Variants in METTL24 observed in about 807,000 individuals in gnomAD.
METTL24 encodes probable methyltransferase-like protein 24.
METTL24 carries 29 observed loss-of-function variants against 32.7 expected under a neutral mutation model. The observed-to-expected ratio is 0.89, with a 90% CI of 0.66 to 1.21. METTL24 has a LOEUF of 1.21. Among genes scored for constraint, METTL24 ranks in the 50% most tolerant of loss-of-function variants. The pLI is 0.00. For synonymous variants in METTL24, 163 were observed against 179.5 expected (o/e 0.91, Z 0.73); for missense variants, 439 against 468.1 (o/e 0.94, Z 0.57).
intron 4 of METTL24, among the ~76,000 whole-genome samples, chr6:110,284,549 T>C (rs897869371): frequency 6.6e-6 from 1 of 152,112 alleles, no homozygotes; most frequent in South Asian, 2.1e-4. Context: ...AAATGAAATG[T>C]ACATATAAGC....
intron 4 of METTL24, among the ~76,000 whole-genome samples, chr6:110,281,509 CT>C (rs200204511): frequency 0.029 from 4,432 of 151,998 alleles, 70 homozygotes; most frequent in Middle Eastern, 0.048. Flanking sequence ...GGTGTGGTGG[CT>C]CACACCTGTA....
At chr6:110,277,179 G>A (rs936481912) in intron 4 of METTL24, among the ~76,000 whole-genome samples, 2 of 152,120 alleles carry the variant, frequency 1.3e-5, no homozygotes, top group African/African-American at 4.8e-5. Flanking sequence ...CTGACAAATG[G>A]CTGCAAATGT....
chr6:110,342,670 C>T (rs1772382604), intron 1 of METTL24, among the ~76,000 whole-genome samples: 1 of 152,140 alleles, frequency 6.6e-6, no homozygotes, highest in Non-Finnish European at 1.5e-5. Flanking sequence ...CTTTCATCAC[C>T]CCAAAAAGAA....
chr6:110,293,498 C>T (rs991221677), intron 4 of METTL24, among the ~76,000 whole-genome samples: 1 of 151,714 alleles, frequency 6.6e-6, no homozygotes, highest in Admixed American at 6.6e-5. Flanking sequence ...TTCTAGTATA[C>T]CATCATATTG....
intron 4 of METTL24, among the ~76,000 whole-genome samples, chr6:110,255,398 A>T (rs1276173753): frequency 6.6e-6 from 1 of 152,114 alleles, no homozygotes; most frequent in Non-Finnish European, 1.5e-5. Context: ...GGGACAGATG[A>T]TGGGTGAGCT....
At chr6:110,337,020 C>T (rs938488381) in intron 1 of METTL24, among the ~76,000 whole-genome samples, 3 of 152,110 alleles carry the variant, frequency 2.0e-5, no homozygotes, top group African/African-American at 7.2e-5. Context: ...TGGAATCAAC[C>T]TAAATACCCA....
chr6:110,274,253 C>A (rs531999446), intron 4 of METTL24, among the ~76,000 whole-genome samples: 2 of 152,208 alleles, frequency 1.3e-5, no homozygotes, highest in East Asian at 3.9e-4. Flanking sequence ...CCACTATGCC[C>A]AGCTAATTTT....
In METTL24 at chr6:110,245,453, G is replaced by C. The variant is rs1211026566; in HGVS notation, c.*493C>G. On this transcript the variant is annotated 3_prime_UTR_variant, in exon 5 of 5. Transcript: ENST00000338882. ...AAGCCACAGCATGGCCTCAGCAAAG[G>C]CTGAGAAGGAATGACTGAAATCTAC... Among the ~76,000 whole-genome samples the C allele has an allele frequency of 1.3e-5, 2 of 152,142 alleles. No individual in the cohort carries two copies. Among genetic ancestry groups the C allele is most frequent in the Admixed American group, 6.5e-5 (1 of 15,274 alleles).
chr6:110,328,758 C>T (rs1438728861), intron 1 of METTL24, among the ~76,000 whole-genome samples: 1 of 152,150 alleles, frequency 6.6e-6, no homozygotes, highest in Non-Finnish European at 1.5e-5. Flanking sequence ...TAATTCAAGA[C>T]CATGTAGCAT....
At chr6:110,339,246 C>G (rs1024322280) in intron 1 of METTL24, among the ~76,000 whole-genome samples, 2 of 152,224 alleles carry the variant, frequency 1.3e-5, no homozygotes, top group African/African-American at 4.8e-5. Context: ...TGCACTCCTG[C>G]AGCTAACAGC....
At chr6:110,274,779 T>C (rs1456752885) in intron 4 of METTL24, among the ~76,000 whole-genome samples, 1 of 151,210 alleles carries the variant, frequency 6.6e-6, no homozygotes, top group East Asian at 1.9e-4. Flanking sequence ...TAGCTTTTTT[T>C]TTTTTTTTCC....
chr6:110,250,592 A>G (rs369171791), intron 4 of METTL24, among the ~76,000 whole-genome samples: 4 of 152,012 alleles, frequency 2.6e-5, no homozygotes, highest in Admixed American at 6.6e-5. Context: ...GGCTTTTGCA[A>G]TGTGTTTAGG....
intron 1 of METTL24, among the ~76,000 whole-genome samples, chr6:110,339,049 T>C (rs766183249): frequency 6.6e-6 from 1 of 152,224 alleles, no homozygotes; most frequent in Non-Finnish European, 1.5e-5. Flanking sequence ...ATAGTGATGT[T>C]GTGCAGATTC....
intron 4 of METTL24, among the ~76,000 whole-genome samples, chr6:110,283,226 C>CA (rs1328622272): frequency 6.6e-6 from 1 of 152,146 alleles, no homozygotes; most frequent in Admixed American, 6.5e-5. Flanking sequence ...ATATCCACTA[C>CA]ACTTTTATCT....
intron 4 of METTL24, among the ~76,000 whole-genome samples, chr6:110,263,416 A>T (rs1438941736): frequency 6.6e-6 from 1 of 152,226 alleles, no homozygotes; most frequent in Non-Finnish European, 1.5e-5. Context: ...CTTACAAAGG[A>T]TGCGAAGGAC....
At chr6:110,291,471 A>ATGT (rs1328810921) in intron 4 of METTL24, among the ~76,000 whole-genome samples, 1 of 152,164 alleles carries the variant, frequency 6.6e-6, no homozygotes, top group Non-Finnish European at 1.5e-5. Flanking sequence ...CCATTGAATT[A>ATGT]TGTTGATGCC....
Position 110,315,442 on chromosome 6 carries a change from CAG to C in METTL24, c.455_456del (p.Thr152ArgfsTer3). The C allele has an allele frequency of 6.2e-7, 1 of 1,614,050 alleles. No individual in the cohort carries two copies. The highest frequency in any genetic ancestry group is 8.5e-7 in the Non-Finnish European group (1 of 1,180,002). On this transcript the variant is annotated frameshift_variant, in exon 3 of 5. Transcript: ENST00000338882. LOFTEE classifies it high-confidence loss of function. ...CAGGGCTTGTGTGTAGGACTAGAGT[CAG>C]TAGCCAGGCTGTCTGTATTCATGTG... The part of the protein sequence containing the change: ...CNHMNTDSLA[T>X]DSSPTHKPWS...
At chr6:110,270,351 G>C (rs1770933003) in intron 4 of METTL24, among the ~76,000 whole-genome samples, 1 of 151,914 alleles carries the variant, frequency 6.6e-6, no homozygotes, top group South Asian at 2.1e-4. Context: ...TTTTACTGGA[G>C]CTGGTTGTGG....
chr6:110,307,140 T>C (rs1169643578), intron 3 of METTL24, among the ~76,000 whole-genome samples: 1 of 152,240 alleles, frequency 6.6e-6, no homozygotes, highest in South Asian at 2.1e-4. Flanking sequence ...TGGTAAGCTA[T>C]ATTTTACTGA....
Sources: allele counts gnomAD v4.1 joint callset (sites outside exome capture counted in the v4.1 genomes callset), GRCh38; gene constraint gnomAD v4.1.1; transcripts MANE v1.5; gene names NCBI Gene and HGNC (gene_info 2026-07-23, HGNC 2026-07-21).